Variants in ABCC4 observed in about 807,000 individuals in gnomAD.
ABCC4 encodes the protein ATP binding cassette subfamily C member 4 (PEL blood group), also known as ATP-binding cassette sub-family C member 4.
A neutral mutation model predicts 168.5 loss-of-function variants in ABCC4; 102 were observed. The observed-to-expected ratio is 0.61, with a 90% CI of 0.52 to 0.71. The LOEUF (loss-of-function observed/expected upper bound fraction) is 0.71, where lower values mean the gene tolerates loss of function less well. Ranked by LOEUF, ABCC4 falls within the 30% of genes least tolerant of loss-of-function variation. ABCC4 has a pLI of 0.00. For synonymous variants in ABCC4, 617 were observed against 590.7 expected (o/e 1.04, Z -0.65); for missense variants, 1,402 against 1,605.8 (o/e 0.87, Z 2.17).
intron 1 of ABCC4, among the ~76,000 whole-genome samples, chr13:95,254,610 C>T (rs2040349670): frequency 6.6e-6 from 1 of 152,206 alleles, no homozygotes; most frequent in Admixed American, 6.5e-5. Flanking sequence ...AGAAAACCTT[C>T]AGGTGACTCT....
intron 20 of ABCC4, among the ~76,000 whole-genome samples, chr13:95,083,742 C>T (rs181052493): frequency 1.3e-5 from 2 of 152,120 alleles, no homozygotes; most frequent in East Asian, 3.9e-4. Flanking sequence ...AGGCTGGTCT[C>T]GAACTCCCGA....
intron 18 of ABCC4, among the ~76,000 whole-genome samples, chr13:95,162,425 T>A (rs542841694): frequency 3.9e-5 from 6 of 152,332 alleles, no homozygotes; most frequent in Non-Finnish European, 7.4e-5. Context: ...CAGTATGTAA[T>A]GCTACATACA....
intron 20 of ABCC4, 100 bp downstream of exon 20, chr13:95,115,822 G>A: frequency 1.1e-6 from 1 of 903,406 alleles, no homozygotes; most frequent in Non-Finnish European, 1.8e-6. Flanking sequence ...ATTACACACA[G>A]CCAGGCCGAG....
rs905748752 is a variant in ABCC4 at position 95,252,746 on chromosome 13, C to T, written c.75-4993G>A. The stretch of plus-strand genomic sequence containing the variant: ...AATCAGTAGGGTTCAGCACTATCCA[C>T]GGCTTTAGGCAGCCACTGAGGTGAG... On this transcript the variant is annotated intron_variant, in intron 1 of 30. Transcript: ENST00000645237. Among the ~76,000 whole-genome samples, 6 of 152,220 alleles carry T rather than the reference C, an allele frequency of 3.9e-5. No individual in the cohort carries two copies. In the East Asian group the frequency reaches 5.8e-4, roughly 15 times the overall value.
rs758732985 is a variant in ABCC4 at position 95,164,454 on chromosome 13, G to C, written c.2099C>G (p.Ala700Gly). The change falls in exon 16 of 31, where the codon GCC becomes GGC. Residue 700 changes from alanine (A) to glycine (G), a missense_variant. By Grantham distance (60) the Ala-to-Gly change is moderately conservative (BLOSUM62 0). Transcript: ENST00000645237. ...ACCAGCTCTGAAGTAATTCTTATAG[G>C]CCTGAAAACCAACTTTTCCTTCAGA... ...NRSEGKVGFQAYKNYFRAGAH... is the reference protein window; with the variant it reads ...NRSEGKVGFQGYKNYFRAGAH... 3.1e-6 allele frequency: 5 copies of C among 1,613,976 alleles called. No homozygotes were observed. In the Admixed American group the frequency reaches 8.3e-5, roughly 27 times the overall value.
At chr13:95,266,493 A>C (rs1409616884) in intron 1 of ABCC4, among the ~76,000 whole-genome samples, 1 of 152,214 alleles carries the variant, frequency 6.6e-6, no homozygotes, top group Non-Finnish European at 1.5e-5. Flanking sequence ...AGTATGTAGG[A>C]ATTTGTTATG....
intron 26 of ABCC4, among the ~76,000 whole-genome samples, chr13:95,058,593 G>GAAAAGAAAAAGA (rs1555306053): frequency 1.2e-5 from 1 of 80,412 alleles, no homozygotes; most frequent in African/African-American, 4.5e-5. Flanking sequence ...AAAAAAAAAA[G>GAAAAGAAAAAGA]AAAAGAAAAA....
At chr13:95,129,215 A>G (rs181547329) in intron 19 of ABCC4, among the ~76,000 whole-genome samples, 4 of 152,368 alleles carry the variant, frequency 2.6e-5, no homozygotes, top group African/African-American at 9.6e-5. Flanking sequence ...AATTTAAAAA[A>G]ACAAATATTG....
intron 19 of ABCC4, chr13:95,148,807 T>C (rs898597224): frequency 1.3e-5 from 2 of 152,174 alleles, no homozygotes; most frequent in Non-Finnish European, 2.9e-5. Context: ...GATGAGGTAC[T>C]TATTTTGCCA....
At chr13:95,247,866 A>T in intron 1 of ABCC4, 113 bp from the exon 2 acceptor site, 1 of 704,474 alleles carries the variant, frequency 1.4e-6, no homozygotes, top group Non-Finnish European at 2.4e-6. Flanking sequence ...ACAGCTATAT[A>T]TAGACAGACA....
chr13:95,137,813 C>T (rs944945971), intron 19 of ABCC4, among the ~76,000 whole-genome samples: 1 of 152,182 alleles, frequency 6.6e-6, no homozygotes, highest in Admixed American at 6.5e-5. Context: ...GTTCACAAGA[C>T]ACAGGTCTTT....
chr13:95,189,825 A>G (rs2139630502), intron 9 of ABCC4, among the ~76,000 whole-genome samples: 1 of 152,332 alleles, frequency 6.6e-6, no homozygotes, highest in South Asian at 2.1e-4. Flanking sequence ...CATCCTGGGA[A>G]AATAGGGACA....
intron 4 of ABCC4, among the ~76,000 whole-genome samples, chr13:95,212,223 C>G (rs1478890905): frequency 6.7e-6 from 1 of 149,418 alleles, no homozygotes; most frequent in East Asian, 2.0e-4. Flanking sequence ...GTGAATCAAT[C>G]GTAAAATACA....
intron 30 of ABCC4, among the ~76,000 whole-genome samples, chr13:95,024,216 A>C (rs1361754916): frequency 1.4e-5 from 2 of 138,018 alleles, no homozygotes; most frequent in Non-Finnish European, 3.3e-5. Context: ...CAAAAAAAAA[A>C]AAAAAAAAAA....
intron 27 of ABCC4, among the ~76,000 whole-genome samples, chr13:95,048,696 C>T (rs1270895587): frequency 6.6e-6 from 1 of 152,152 alleles, no homozygotes; most frequent in Non-Finnish European, 1.5e-5. Context: ...ACAAGACATC[C>T]TTGTATTCTA....
intron 21 of ABCC4, among the ~76,000 whole-genome samples, chr13:95,081,221 G>C (rs1277889394): frequency 1.3e-5 from 2 of 150,164 alleles, no homozygotes; most frequent in African/African-American, 4.8e-5. Flanking sequence ...AAATTCAAGA[G>C]AGAAAATCCT....
At chr13:95,241,915 G>A (rs1416335468) in intron 3 of ABCC4, among the ~76,000 whole-genome samples, 2 of 152,112 alleles carry the variant, frequency 1.3e-5, no homozygotes, top group African/African-American at 4.8e-5. Flanking sequence ...CAGTTGTTCT[G>A]TAACCAGAGG....
intron 26 of ABCC4, among the ~76,000 whole-genome samples, chr13:95,060,589 A>G (rs1458455548): frequency 1.3e-5 from 2 of 152,174 alleles, no homozygotes; most frequent in Non-Finnish European, 2.9e-5. Flanking sequence ...AAAATATAAA[A>G]CTTGAGAATT....
chr13:95,077,934 G>A (rs1008133086), intron 21 of ABCC4, among the ~76,000 whole-genome samples: 32 of 152,242 alleles, frequency 2.1e-4, no homozygotes, highest in Middle Eastern at 3.4e-3. Flanking sequence ...GAAGGAGGAG[G>A]CCGCCAGGTA....
Sources: gnomAD v4.1 joint callset for allele counts (sites outside exome capture counted in the v4.1 genomes callset) on GRCh38, gnomAD v4.1.1 for gene constraint, MANE v1.5 for transcripts, NCBI Gene and HGNC (gene_info 2026-07-23, HGNC 2026-07-21) for gene names.